TSNARE1: variants seen among roughly 807,000 people sequenced by gnomAD.
TSNARE1 encodes the protein t-SNARE domain-containing protein 1.
A neutral mutation model predicts 62.0 loss-of-function variants in TSNARE1; 49 were observed. The ratio of observed to expected loss-of-function variants is 0.79; its 90% CI spans 0.63 to 1.00. The LOEUF (loss-of-function observed/expected upper bound fraction) is 1.00, where lower values mean the gene tolerates loss of function less well. Among genes scored for constraint, TSNARE1 ranks in the 50% least tolerant of loss-of-function variants. The pLI, the probability that TSNARE1 is intolerant of heterozygous loss-of-function variation, is 0.00. For synonymous variants in TSNARE1, 328 were observed against 294.4 expected, an observed-to-expected ratio of 1.11 and a Z score of -1.17; for missense variants, 755 against 700.1, an observed-to-expected ratio of 1.08 and a Z score of -0.88.
chr8:142,360,728 G>C (rs769303438), intron 1 of TSNARE1, among the ~76,000 whole-genome samples: 13 of 152,092 alleles, frequency 8.5e-5, no homozygotes, highest in Non-Finnish European at 1.6e-4. Flanking sequence ...CCCACCTCAG[G>C]CGTGCCACCA....
At chr8:142,257,245 G>A (rs901084764) in intron 12 of TSNARE1, among the ~76,000 whole-genome samples, 10 of 152,188 alleles carry the variant, frequency 6.6e-5, no homozygotes, top group Admixed American at 1.3e-4. Flanking sequence ...GGAGCAGCCC[G>A]GGGTTCCCAG....
At position 142,261,290 on chromosome 8, in the gene TSNARE1, G is replaced by A. The variant is rs1453350948; in HGVS notation, c.1446+13491C>T. 8.9e-5 allele frequency among the ~76,000 whole-genome samples: 12 copies of A among 134,828 alleles called. No individual in the cohort carries two copies. The South Asian group carries it at 3.0e-3, about 34-fold the overall frequency. 88.5% of individuals were successfully genotyped at this position (134,828 alleles called of 152,430 possible). ...AAGGAGAGAGAGAGGATAGAGGGAGGGAGGAGGGAAGGAGAGAGGAAGGAG... is the reference window on the plus strand; with the variant it reads ...AAGGAGAGAGAGAGGATAGAGGGAGAGAGGAGGGAAGGAGAGAGGAAGGAG... On this transcript the variant is annotated intron_variant, in intron 12 of 13. Coordinates refer to ENST00000524325, the MANE Select transcript of TSNARE1 (RefSeq NM_145003.5).
chr8:142,217,898 C>A lies in TSNARE1; in HGVS notation c.*12-5585G>T, dbSNP rs147827865. On this transcript the variant is annotated intron_variant, in intron 13 of 13. Coordinates refer to ENST00000524325, the MANE Select transcript of TSNARE1 (RefSeq NM_145003.5). Reference sequence around the variant, plus strand: ...GCCAGGATCAGGGCTCAGTGTGTGACCAGGATCAGGGCTCAGAGTGTGAAC... The same window carrying A: ...GCCAGGATCAGGGCTCAGTGTGTGAACAGGATCAGGGCTCAGAGTGTGAAC... 1.9e-3 allele frequency among the ~76,000 whole-genome samples: 90 copies of A among 46,646 alleles called. 2 individuals carry two copies. The highest frequency in any genetic ancestry group is 6.6e-3 in the East Asian group (7 of 1,054). 30.6% of individuals were successfully genotyped at this position (46,646 alleles called of 152,430 possible).
intron 6 of TSNARE1, among the ~76,000 whole-genome samples, chr8:142,320,444 C>T (rs971793231): frequency 2.6e-5 from 4 of 151,424 alleles, no homozygotes; most frequent in Admixed American, 2.6e-4. Flanking sequence ...CACTTCCCCA[C>T]ACTGCCCTCC....
chr8:142,302,791 A>G (rs10099967), intron 9 of TSNARE1, among the ~76,000 whole-genome samples: 36,344 of 151,926 alleles, frequency 0.24, 4,898 homozygotes, highest in African/African-American at 0.36. Context: ...CTGGGAATGG[A>G]AATCCAGGCT....
chr8:142,246,988 A>C (rs551512647), intron 12 of TSNARE1, among the ~76,000 whole-genome samples: 4 of 152,292 alleles, frequency 2.6e-5, no homozygotes, highest in Admixed American at 1.3e-4. Context: ...CTCAATGAAC[A>C]CACATCTGTG....
At chr8:142,233,450 A>G (rs570434848) in intron 12 of TSNARE1, among the ~76,000 whole-genome samples, 29 of 152,312 alleles carry the variant, frequency 1.9e-4, no homozygotes, top group African/African-American at 6.5e-4. Context: ...ACCCTGCCTC[A>G]GTGTCAGAGG....
At chr8:142,269,504 T>C (rs1819335084) in intron 12 of TSNARE1, 1 of 985,292 alleles carries the variant, frequency 1.0e-6, no homozygotes, top group Non-Finnish European at 1.2e-6. Context: ...TTAAGCTTTA[T>C]TTTCTGTAGA....
At chr8:142,403,821 C>T (rs900315699), upstream of TSNARE1, 71 of 152,378 alleles carry the variant, frequency 4.7e-4, no homozygotes, top group African/African-American at 1.3e-3. Flanking sequence ...CTCCTGGGAC[C>T]TCCTTCCGCA....
chr8:142,330,183 G>A (rs1194706850), intron 6 of TSNARE1, among the ~76,000 whole-genome samples: 1 of 152,224 alleles, frequency 6.6e-6, no homozygotes, highest in Non-Finnish European at 1.5e-5. Flanking sequence ...GGTCACAGCA[G>A]CAAGTGCAGT....
chr8:142,222,288 ACT>A (rs201979211), intron 13 of TSNARE1, among the ~76,000 whole-genome samples: 1,117 of 23,706 alleles, frequency 0.047, 318 homozygotes, highest in Non-Finnish European at 0.069. Context: ...CCACTCATTC[ACT>A]CTCACTCATT....
At chr8:142,265,800 G>A (rs989303930) in intron 12 of TSNARE1, among the ~76,000 whole-genome samples, 1 of 152,222 alleles carries the variant, frequency 6.6e-6, no homozygotes, top group Non-Finnish European at 1.5e-5. Context: ...TGGGCTTAAT[G>A]TGTATTTCCC....
intron 11 of TSNARE1, chr8:142,277,009 C>A (rs1035960325): frequency 3.1e-5 from 31 of 985,324 alleles, no homozygotes; most frequent in Non-Finnish European, 3.7e-5. Context: ...GCTGTGCGGC[C>A]GCGTGTTGCT....
At chr8:142,224,016 G>A (rs1353459688) in intron 13 of TSNARE1, among the ~76,000 whole-genome samples, 1 of 152,250 alleles carries the variant, frequency 6.6e-6, no homozygotes, top group Non-Finnish European at 1.5e-5. Flanking sequence ...TTCATCCTCT[G>A]AGAGCTATCG....
intron 4 of TSNARE1, among the ~76,000 whole-genome samples, chr8:142,332,034 C>G (rs1391014233): frequency 6.6e-6 from 1 of 152,190 alleles, no homozygotes; most frequent in Non-Finnish European, 1.5e-5. Flanking sequence ...TACCTTCAAG[C>G]TGGAAGGAAG....
chr8:142,229,476 G>A lies in TSNARE1; in HGVS notation c.*8C>T, dbSNP rs759480052. 9.3e-6 allele frequency: 15 copies of A among 1,613,492 alleles called. No individual in the cohort carries two copies. Among genetic ancestry groups the A allele is most frequent in the Middle Eastern group, 1.6e-4 (1 of 6,084 alleles). On this transcript the variant is annotated 3_prime_UTR_variant, in exon 13 of 14. Coordinates refer to ENST00000524325, the MANE Select transcript of TSNARE1 (RefSeq NM_145003.5). ...TACGGGTAGGTGGGGTACTCACCACGGGTAGCATCACTTTCGGACAGAGGT... is the reference window on the plus strand; with the variant it reads ...TACGGGTAGGTGGGGTACTCACCACAGGTAGCATCACTTTCGGACAGAGGT...
intron 2 of TSNARE1, among the ~76,000 whole-genome samples, chr8:142,348,010 G>T (rs773799906): frequency 2.0e-5 from 3 of 152,244 alleles, no homozygotes; most frequent in Non-Finnish European, 4.4e-5. Flanking sequence ...CCTGAGCCAC[G>T]TGAACCTAGA....
intron 12 of TSNARE1, among the ~76,000 whole-genome samples, chr8:142,250,896 G>A (rs983654898): frequency 1.1e-4 from 17 of 152,200 alleles, no homozygotes; most frequent in Non-Finnish European, 2.1e-4. Flanking sequence ...TGTGCCTCTC[G>A]GAGAGGGATG....
intron 1 of TSNARE1, among the ~76,000 whole-genome samples, chr8:142,391,373 C>A (rs188466444): frequency 2.0e-5 from 3 of 150,862 alleles, no homozygotes; most frequent in African/African-American, 7.4e-5. Flanking sequence ...CTGTACACTG[C>A]GGGAGACTCT....
Sources: allele counts gnomAD v4.1 joint callset (sites outside exome capture counted in the v4.1 genomes callset), GRCh38; gene constraint gnomAD v4.1.1; transcripts MANE v1.5; gene names NCBI Gene and HGNC (gene_info 2026-07-23, HGNC 2026-07-21).